Variants in COL26A1 observed in about 807,000 individuals in gnomAD.
The protein encoded by COL26A1 is collagen alpha-1(XXVI) chain.
In COL26A1, 41 loss-of-function variants were observed where a neutral mutation model predicts 59.3. That is an observed-to-expected ratio of 0.69 (90% CI 0.54 to 0.90). The LOEUF (loss-of-function observed/expected upper bound fraction) is 0.90. Among genes scored for constraint, COL26A1 ranks in the 40% least tolerant of loss-of-function variants. COL26A1 has a pLI of 0.00. For missense variants in COL26A1, 612 were observed against 602.3 expected (o/e 1.02, Z -0.17); for synonymous variants, 266 against 256.0 (o/e 1.04, Z -0.37).
chr7:101,438,356 G>A (rs1286816991), intron 2 of COL26A1, among the ~76,000 whole-genome samples: 2 of 151,194 alleles, frequency 1.3e-5, no homozygotes, highest in African/African-American at 2.4e-5. Context: ...GCGAGACTCC[G>A]TCTCAAAAAA....
chr7:101,476,855 T>C (rs998929939), intron 3 of COL26A1, among the ~76,000 whole-genome samples: 2 of 150,444 alleles, frequency 1.3e-5, no homozygotes, highest in African/African-American at 4.9e-5. Context: ...CCATTTTTTT[T>C]TTTTTTGAGA....
chr7:101,402,438 C>G (rs768413112), intron 1 of COL26A1, among the ~76,000 whole-genome samples: 34 of 152,104 alleles, frequency 2.2e-4, no homozygotes, highest in Non-Finnish European at 4.6e-4. Flanking sequence ...TTCCCCTTTC[C>G]CCTTCTCTGG....
intron 1 of COL26A1, among the ~76,000 whole-genome samples, chr7:101,387,736 T>TTATATATATATATTTATATATATATA (rs1791615136): frequency 1.9e-5 from 2 of 106,938 alleles, no homozygotes; most frequent in African/African-American, 7.7e-5. Context: ...TTTAATATAA[T>TTATATATATATATTTATATATATATA]TATATATATA....
At chr7:101,380,085 G>A (rs1258323784) in intron 1 of COL26A1, among the ~76,000 whole-genome samples, 2 of 151,748 alleles carry the variant, frequency 1.3e-5, no homozygotes, top group African/African-American at 2.4e-5. Context: ...TCTGCCTCCC[G>A]GGTTTAAGTG....
chr7:101,461,064 C>G (rs1793599147), intron 3 of COL26A1, among the ~76,000 whole-genome samples: 1 of 152,158 alleles, frequency 6.6e-6, no homozygotes, highest in African/African-American at 2.4e-5. Flanking sequence ...TCACTTCAAT[C>G]TCCTGGGCTC....
intron 1 of COL26A1, among the ~76,000 whole-genome samples, chr7:101,415,157 C>CTTTTTTTT (rs768628869): frequency 2.0e-5 from 3 of 147,198 alleles, no homozygotes; most frequent in Non-Finnish European, 1.5e-5. Context: ...AACCCCCCCC[C>CTTTTTTTT]TTTTTTTTTT....
chr7:101,529,379 G>A (rs970020411), intron 3 of COL26A1, among the ~76,000 whole-genome samples: 3 of 151,922 alleles, frequency 2.0e-5, no homozygotes, highest in East Asian at 3.9e-4. Flanking sequence ...AGCGATCCTC[G>A]TGCCTCAGCC....
At chr7:101,471,799 C>G (rs1475170994) in intron 3 of COL26A1, among the ~76,000 whole-genome samples, 1 of 151,846 alleles carries the variant, frequency 6.6e-6, no homozygotes, top group Non-Finnish European at 1.5e-5. Context: ...GGGCTGGTCT[C>G]CAACTCCTGA....
chr7:101,520,058 G>A (rs1795107885), intron 3 of COL26A1, among the ~76,000 whole-genome samples: 1 of 152,150 alleles, frequency 6.6e-6, no homozygotes, highest in African/African-American at 2.4e-5. Flanking sequence ...TCTATTGCCT[G>A]GTCCAGATCT....
At chr7:101,413,590 CTT>C (rs1792295981) in intron 1 of COL26A1, among the ~76,000 whole-genome samples, 1 of 152,042 alleles carries the variant, frequency 6.6e-6, no homozygotes, top group Non-Finnish European at 1.5e-5. Flanking sequence ...GAAAAGGAGA[CTT>C]GTTTGGGAGC....
At chr7:101,532,037 G>A (rs911996023) in intron 3 of COL26A1, among the ~76,000 whole-genome samples, 3 of 152,126 alleles carry the variant, frequency 2.0e-5, no homozygotes, top group African/African-American at 7.2e-5. Flanking sequence ...GAAATGAGCT[G>A]AAGAAAGAGA....
intron 3 of COL26A1, among the ~76,000 whole-genome samples, chr7:101,459,124 C>CT (rs1232070332): frequency 6.6e-6 from 1 of 152,000 alleles, no homozygotes; most frequent in Non-Finnish European, 1.5e-5. Context: ...GAACAGGGAT[C>CT]TTTTTGTTCC....
intron 2 of COL26A1, among the ~76,000 whole-genome samples, chr7:101,424,069 T>C (rs1403087641): frequency 6.6e-6 from 1 of 151,330 alleles, no homozygotes; most frequent in Non-Finnish European, 1.5e-5. Context: ...ACATCAGCCA[T>C]GGGTTGTGGT....
At chr7:101,507,167 G>C (rs1017231843) in intron 3 of COL26A1, among the ~76,000 whole-genome samples, 3 of 151,986 alleles carry the variant, frequency 2.0e-5, no homozygotes, top group African/African-American at 7.3e-5. Flanking sequence ...CGCCTGCCTC[G>C]GCCTCCCAAA....
At chr7:101,408,186 AG>A (rs1307743489) in intron 1 of COL26A1, among the ~76,000 whole-genome samples, 9 of 152,130 alleles carry the variant, frequency 5.9e-5, no homozygotes, top group Non-Finnish European at 1.5e-5. Flanking sequence ...TCTAACATGG[AG>A]GGTGTTTATT....
At chr7:101,489,765 T>C (rs1342114087) in intron 3 of COL26A1, among the ~76,000 whole-genome samples, 1 of 3,528 alleles carries the variant, frequency 2.8e-4, no homozygotes, top group Non-Finnish European at 6.0e-4. Flanking sequence ...TCTCTTTCTT[T>C]CTTTCTTTCT....
intron 3 of COL26A1, among the ~76,000 whole-genome samples, chr7:101,517,058 G>A (rs1563022858): frequency 6.6e-6 from 1 of 152,118 alleles, no homozygotes; most frequent in African/African-American, 2.4e-5. Context: ...GTGATCCTGA[G>A]TCTGACCCTG....
chr7:101,366,641 T>C (rs1791056150), intron 1 of COL26A1, among the ~76,000 whole-genome samples: 1 of 151,602 alleles, frequency 6.6e-6, no homozygotes, highest in South Asian at 2.1e-4. Context: ...GTTGGGACCA[T>C]AGGCATGGGC....
rs116143551 is a variant in COL26A1 at position 101,399,285 on chromosome 7, A to G, written c.159-20692A>G. On this transcript the variant is annotated intron_variant, in intron 1 of 12. Coordinates refer to ENST00000313669, the MANE Select transcript of COL26A1 (RefSeq NM_001278563.3). ...TGTGCCACTGTACTCCAACATGGGCAACAGAGTGACACTCTGTCCAAAAAT... is the reference window on the plus strand; with the variant it reads ...TGTGCCACTGTACTCCAACATGGGCGACAGAGTGACACTCTGTCCAAAAAT... Among the ~76,000 whole-genome samples, 558 of 152,262 alleles carry G rather than the reference A, an allele frequency of 3.7e-3. 7 individuals are homozygous for G. Among genetic ancestry groups the G allele is most frequent in the African/African-American group, 0.012 (517 of 41,550 alleles).
Sources: allele counts gnomAD v4.1 joint callset (sites outside exome capture counted in the v4.1 genomes callset), GRCh38; gene constraint gnomAD v4.1.1; transcripts MANE v1.5; gene names NCBI Gene and HGNC (gene_info 2026-07-23, HGNC 2026-07-21).